The following ARHGAP6 variants were observed in gnomAD, a reference collection of about 807,000 sequenced individuals.
The protein encoded by ARHGAP6 is rho GTPase-activating protein 6.
Under a neutral mutation model 55.7 loss-of-function variants are expected in ARHGAP6, and 16 were observed. That is an observed-to-expected ratio of 0.29 (90% CI 0.19 to 0.44). ARHGAP6 has a LOEUF of 0.44. ARHGAP6 is among the 20% of genes least tolerant of loss of function. The pLI, the probability that ARHGAP6 is intolerant of heterozygous loss-of-function variation, is 1.00. For synonymous variants in ARHGAP6, 382 were observed against 360.9 expected, an observed-to-expected ratio of 1.06 and a Z score of -0.66; for missense variants, 698 against 808.9, an observed-to-expected ratio of 0.86 and a Z score of 1.66.
chrX:11,211,056 A>G (rs1051612394), intron 2 of ARHGAP6, among the ~76,000 whole-genome samples: 1 of 111,798 alleles, frequency 8.9e-6, no homozygotes, highest in Non-Finnish European at 1.9e-5. Context: ...TTTGAATGGA[A>G]GTCATTTATT....
intron 1 of ARHGAP6, among the ~76,000 whole-genome samples, chrX:11,568,459 G>C (rs2051471779): frequency 8.9e-6 from 1 of 112,470 alleles, no homozygotes; most frequent in African/African-American, 3.2e-5. Context: ...GTCAAGCAAT[G>C]CAACTGGTAG....
intron 1 of ARHGAP6, among the ~76,000 whole-genome samples, chrX:11,343,719 A>G: frequency 9.0e-6 from 1 of 111,674 alleles, no homozygotes; most frequent in Non-Finnish European, 1.9e-5. Flanking sequence ...CAAGCCCTCT[A>G]GGTGACTTCA....
chrX:11,401,307 T>C (rs2049545936), intron 1 of ARHGAP6, among the ~76,000 whole-genome samples: 1 of 111,914 alleles, frequency 8.9e-6, no homozygotes, highest in South Asian at 3.7e-4. Context: ...AGCTCATGAC[T>C]GGACAATTTT....
chrX:11,143,737 C>T, intron 11 of ARHGAP6: 5 of 1,115,167 alleles, frequency 4.5e-6, no homozygotes, highest in South Asian at 2.5e-5. Flanking sequence ...GCGTTTATTT[C>T]CCAGATATCT....
intron 1 of ARHGAP6, among the ~76,000 whole-genome samples, chrX:11,444,396 T>C (rs2050071490): frequency 8.9e-6 from 1 of 112,356 alleles, no homozygotes; most frequent in Non-Finnish European, 1.9e-5. Flanking sequence ...GTCTACCCAA[T>C]ATCCATTCTC....
chrX:11,427,744 C>A (rs1379049442), intron 1 of ARHGAP6: 4 of 764,604 alleles, frequency 5.2e-6, no homozygotes, highest in Non-Finnish European at 6.2e-6. Flanking sequence ...GCGCCCCTGG[C>A]ACAGCGTCCC....
At chrX:11,632,334 G>T (rs2052369480) in intron 1 of ARHGAP6, among the ~76,000 whole-genome samples, 1 of 112,166 alleles carries the variant, frequency 8.9e-6, no homozygotes, top group South Asian at 3.7e-4. Flanking sequence ...AATTGGAAAG[G>T]TATTAAATAT....
chrX:11,633,605 T>G (rs988472278), intron 1 of ARHGAP6, among the ~76,000 whole-genome samples: 1 of 112,289 alleles, frequency 8.9e-6, no homozygotes, highest in African/African-American at 3.2e-5. Context: ...ACCTGCTTTG[T>G]GTGCTTATTC....
At chrX:11,153,757 C>T (rs191380358) in intron 10 of ARHGAP6, among the ~76,000 whole-genome samples, 67 of 110,580 alleles carry the variant, frequency 6.1e-4, no homozygotes, top group African/African-American at 2.1e-3. Context: ...GTTTTCTGTT[C>T]ACTGATAATG....
chrX:11,570,050 G>A (rs773622010), intron 1 of ARHGAP6, among the ~76,000 whole-genome samples: 20 of 112,096 alleles, frequency 1.8e-4, no homozygotes, highest in Admixed American at 6.7e-4. Context: ...AGAAACCTTA[G>A]AATAATGGGT....
chrX:11,314,416 T>C (rs1569297345), intron 1 of ARHGAP6, among the ~76,000 whole-genome samples: 2 of 112,325 alleles, frequency 1.8e-5, no homozygotes, highest in Middle Eastern at 4.6e-3. Context: ...GAAACTCTTA[T>C]GCAAAATAAA....
chrX:11,150,981 G>A (rs1413930874), intron 10 of ARHGAP6, among the ~76,000 whole-genome samples: 1 of 111,580 alleles, frequency 9.0e-6, no homozygotes, highest in East Asian at 2.8e-4. Flanking sequence ...TGCTGACTGA[G>A]TTTTCTGGCA....
intron 2 of ARHGAP6, among the ~76,000 whole-genome samples, chrX:11,212,933 A>G (rs1296508932): frequency 6.2e-5 from 7 of 112,957 alleles, no homozygotes; most frequent in Non-Finnish European, 1.1e-4. Context: ...CTCCTCGCTG[A>G]TTGGTCGGCT....
intron 1 of ARHGAP6, among the ~76,000 whole-genome samples, chrX:11,514,522 T>C (rs745470317): frequency 7.3e-5 from 8 of 110,009 alleles, no homozygotes; most frequent in African/African-American, 6.6e-5. Context: ...CCCAACACCC[T>C]GCCAGCTGTG....
intron 1 of ARHGAP6, among the ~76,000 whole-genome samples, chrX:11,645,641 G>A (rs948483924): frequency 3.6e-5 from 4 of 111,632 alleles, no homozygotes; most frequent in African/African-American, 1.3e-4. Flanking sequence ...AAAGTCCTTG[G>A]GTGCTCTCCC....
intron 1 of ARHGAP6, among the ~76,000 whole-genome samples, chrX:11,610,129 TAAAAA>T (rs59200351): frequency 3.4e-5 from 3 of 88,780 alleles, no homozygotes; most frequent in Non-Finnish European, 4.6e-5. Context: ...CTTCCTCCAG[TAAAAA>T]AAAAAAAAAA....
At chrX:11,220,542 A>G (rs1370423439) in intron 2 of ARHGAP6, among the ~76,000 whole-genome samples, 19 of 110,855 alleles carry the variant, frequency 1.7e-4, no homozygotes, top group African/African-American at 6.2e-4. Context: ...AAGCTTCATA[A>G]GTGAAGGAGA....
intron 1 of ARHGAP6, among the ~76,000 whole-genome samples, chrX:11,276,168 C>G (rs1311668147): frequency 9.0e-6 from 1 of 111,399 alleles, no homozygotes; most frequent in African/African-American, 3.3e-5. Flanking sequence ...CCAGAAAACT[C>G]TAACGTCACC....
In ARHGAP6 at chrX:11,433,426, T is replaced by C. The variant is rs1437164515; in HGVS notation, c.589-178719A>G. Among the ~76,000 whole-genome samples, 3 of 112,072 alleles carry C rather than the reference T, an allele frequency of 2.7e-5. No homozygotes were observed. The Admixed American group carries it at 2.8e-4, about 11-fold the overall frequency. On this transcript the variant is annotated intron_variant, in intron 1 of 12. Coordinates refer to ENST00000337414, the MANE Select transcript of ARHGAP6 (RefSeq NM_013427.3). ...CCATGCCACAGAGCCAGGGAGGGTATCCTTAAAAAGTGCCTAAAAAGAGAC... is the reference window on the plus strand; with the variant it reads ...CCATGCCACAGAGCCAGGGAGGGTACCCTTAAAAAGTGCCTAAAAAGAGAC...
Sources: gnomAD v4.1 joint callset for allele counts (sites outside exome capture counted in the v4.1 genomes callset) on GRCh38, gnomAD v4.1.1 for gene constraint, MANE v1.5 for transcripts, NCBI Gene and HGNC (gene_info 2026-07-23, HGNC 2026-07-21) for gene names.